LPGAT1: variants seen among roughly 807,000 people sequenced by gnomAD.
LPGAT1 encodes the protein lysophosphatidylglycerol acyltransferase 1, also known as acyl-CoA:lysophosphatidylglycerol acyltransferase 1.
A neutral mutation model predicts 47.5 loss-of-function variants in LPGAT1; 11 were observed. The observed-to-expected ratio is 0.23, with a 90% CI of 0.15 to 0.38. The LOEUF (loss-of-function observed/expected upper bound fraction) is 0.38. Ranked by LOEUF, LPGAT1 falls within the 10% of genes least tolerant of loss-of-function variation. The pLI is 1.00. For synonymous variants in LPGAT1, 138 were observed against 144.2 expected (o/e 0.96, Z 0.31); for missense variants, 293 against 439.0 (o/e 0.67, Z 2.97).
chr1:211,826,507 G>C (rs1033775439), intron 2 of LPGAT1, among the ~76,000 whole-genome samples: 5 of 152,090 alleles, frequency 3.3e-5, no homozygotes, highest in Non-Finnish European at 5.9e-5. Flanking sequence ...GGAGCTAAAT[G>C]CTAAATTTTA....
chr1:211,787,963 T>C (rs1658955892), intron 3 of LPGAT1, among the ~76,000 whole-genome samples: 1 of 152,182 alleles, frequency 6.6e-6, no homozygotes, highest in Admixed American at 6.5e-5. Flanking sequence ...TATCACTATA[T>C]AAAAAATGAA....
Position 211,830,296 on chromosome 1 carries a change from CG to C in LPGAT1, c.-28+276del. The C allele has an allele frequency of 9.4e-7, 1 of 1,060,116 alleles. No homozygotes were observed. The highest frequency in any genetic ancestry group is 1.1e-6 in the Non-Finnish European group (1 of 878,484). The allele number at this position is 1,060,116 out of a possible 1,614,324, so 65.7% of individuals were successfully genotyped here. A position where few individuals can be genotyped will look rare whatever the true frequency, so the allele number is the denominator to read the frequency against. ...CAAGCGGCCCGAGGCGCTGCGCGAG[CG>C]GGCGCGCTGGCGCCCTACTCCCCTC... On this transcript the variant is annotated intron_variant, in intron 1 of 7. Coordinates refer to ENST00000366997, the MANE Select transcript of LPGAT1 (RefSeq NM_014873.3). This position sits in a 1 kb window ranked among gnomAD's most constrained non-coding sequence, Gnocchi z 5.9.
chr1:211,819,800 C>T (rs139281223), intron 2 of LPGAT1, among the ~76,000 whole-genome samples: 370 of 152,254 alleles, frequency 2.4e-3, no homozygotes, highest in African/African-American at 8.5e-3. Flanking sequence ...GCCTGGCCAA[C>T]ATGGTGAAAC....
At position 211,830,585 on chromosome 1, in the gene LPGAT1, G is replaced by C. The variant is rs1169640620; in HGVS notation, c.-40C>G. The C allele has an allele frequency of 8.4e-7, 1 of 1,197,150 alleles. No individual in the cohort carries two copies. Among genetic ancestry groups the C allele is most frequent in the African/African-American group, 1.6e-5 (1 of 62,696 alleles). The allele number at this position is 1,197,150 out of a possible 1,614,324, so 74.2% of individuals were successfully genotyped here. ...AGCCGGAGGTTACCTCGGGCTGGCC[G>C]GGCCCCAGCCGGGGCTTTGGGAGTC... On this transcript the variant is annotated 5_prime_UTR_variant, in exon 1 of 8. Coordinates refer to ENST00000366997, the MANE Select transcript of LPGAT1 (RefSeq NM_014873.3). The surrounding 1 kb of genome is among the most constrained non-coding windows in gnomAD (Gnocchi z 5.9).
At chr1:211,785,121 G>A (rs1658825727) in intron 4 of LPGAT1, among the ~76,000 whole-genome samples, 1 of 151,966 alleles carries the variant, frequency 6.6e-6, no homozygotes, top group Non-Finnish European at 1.5e-5. Flanking sequence ...CTTTCAGTGT[G>A]ATCAGTTTGC....
chr1:211,762,331 A>G (rs929182023), intron 6 of LPGAT1, among the ~76,000 whole-genome samples: 3 of 152,220 alleles, frequency 2.0e-5, no homozygotes, highest in Non-Finnish European at 2.9e-5. Context: ...TATTGCTTCA[A>G]TGGGGTTGAA....
rs1024505880 is a variant in LPGAT1 at position 211,830,759 on chromosome 1, G to C, written c.-214C>G. Reference sequence around the variant, plus strand: ...CCCAAGGGCCCGGCCGCGTTCGCCCGGACTGGCGGGGAGGGGCGGCGGGAG... The same window carrying C: ...CCCAAGGGCCCGGCCGCGTTCGCCCCGACTGGCGGGGAGGGGCGGCGGGAG... On this transcript the variant is annotated 5_prime_UTR_variant, in exon 1 of 8. Coordinates refer to ENST00000366997, the MANE Select transcript of LPGAT1 (RefSeq NM_014873.3). The surrounding 1 kb of genome is among the most constrained non-coding windows in gnomAD (Gnocchi z 5.9). The C allele has an allele frequency of 2.6e-6, 3 of 1,157,716 alleles. No individual in the cohort carries two copies. The African/African-American group carries it at 4.9e-5, about 19-fold the overall frequency. 71.7% of individuals were successfully genotyped at this position (1,157,716 alleles called of 1,614,324 possible).
Position 211,810,721 on chromosome 1 carries a change from A to G in LPGAT1, c.239-17531T>C, listed in dbSNP as rs914710798. Among the ~76,000 whole-genome samples, 69 of 145,784 alleles carry G rather than the reference A, an allele frequency of 4.7e-4. 1 individual carries two copies. Among genetic ancestry groups the G allele is most frequent in the African/African-American group, 1.7e-3 (68 of 39,534 alleles). On this transcript the variant is annotated intron_variant, in intron 2 of 7. Transcript: ENST00000366997. ...ACACGAAAATATGTACGTACCACAG[A>G]AGCTAGGAAAAGAAGTCATTGTGAG...
At chr1:211,792,711 CTTTT>C (rs34552405) in intron 3 of LPGAT1, among the ~76,000 whole-genome samples, 1 of 104,602 alleles carries the variant, frequency 9.6e-6, no homozygotes, top group Non-Finnish European at 1.8e-5. Flanking sequence ...AATTGATTCC[CTTTT>C]TTTTTTTTTT....
Position 211,749,732 on chromosome 1 carries a change from AT to A in LPGAT1, c.*166del. The A allele has an allele frequency of 1.5e-6, 1 of 682,822 alleles. No homozygotes were observed. The highest frequency in any genetic ancestry group is 2.5e-6 in the Non-Finnish European group (1 of 400,976). The allele number at this position is 682,822 out of a possible 1,614,324, so 42.3% of individuals were successfully genotyped here. On this transcript the variant is annotated 3_prime_UTR_variant, in exon 8 of 8. Transcript: ENST00000366997. ...GCAGGTCATTATATTACTAATCCTC[AT>A]TTTAGTAGATTTTAAAATATCCCAA...
intron 2 of LPGAT1, among the ~76,000 whole-genome samples, chr1:211,819,858 G>A (rs946004090): frequency 1.3e-5 from 2 of 151,978 alleles, no homozygotes; most frequent in African/African-American, 2.4e-5. Context: ...GGTGGCAGAC[G>A]CCTGTACTGC....
intron 2 of LPGAT1, among the ~76,000 whole-genome samples, chr1:211,797,469 T>C (rs1396949369): frequency 6.6e-6 from 1 of 152,116 alleles, no homozygotes; most frequent in East Asian, 1.9e-4. Flanking sequence ...AAGGTCGTGT[T>C]GAATTTTATA....
At chr1:211,751,937 G>C (rs1558251885) in intron 6 of LPGAT1, among the ~76,000 whole-genome samples, 1 of 151,972 alleles carries the variant, frequency 6.6e-6, no homozygotes, top group Non-Finnish European at 1.5e-5. Context: ...TTCTGTTTTA[G>C]GCCTTCTCTA....
intron 3 of LPGAT1, among the ~76,000 whole-genome samples, chr1:211,789,862 T>TC (rs1659035438): frequency 1.3e-5 from 1 of 74,204 alleles, no homozygotes; most frequent in Middle Eastern, 5.0e-3. Context: ...AAAGCAAGAC[T>TC]CTGTCTCAAA....
chr1:211,777,564 AC>A (rs1264163535), intron 6 of LPGAT1, among the ~76,000 whole-genome samples: 2 of 152,160 alleles, frequency 1.3e-5, no homozygotes, highest in Non-Finnish European at 2.9e-5. Context: ...CATTAAAAAA[AC>A]AAGAAGCTAG....
chr1:211,795,535 T>C (rs761602944), intron 2 of LPGAT1, among the ~76,000 whole-genome samples: 15 of 152,138 alleles, frequency 9.9e-5, no homozygotes, highest in Non-Finnish European at 1.5e-4. Context: ...GCCCGGCTAA[T>C]CTTGTATTTT....
chr1:211,797,307 T>A (rs1209376526), intron 2 of LPGAT1, among the ~76,000 whole-genome samples: 1 of 118,914 alleles, frequency 8.4e-6, no homozygotes, highest in African/African-American at 2.9e-5. Flanking sequence ...TTTTCTTTCC[T>A]TTTCTTTTTT....
intron 2 of LPGAT1, among the ~76,000 whole-genome samples, chr1:211,797,311 C>CTTTT: frequency 8.2e-6 from 1 of 122,642 alleles, no homozygotes; most frequent in Non-Finnish European, 1.7e-5. Flanking sequence ...CTTTCCTTTT[C>CTTTT]TTTTTTTTTT....
intron 2 of LPGAT1, among the ~76,000 whole-genome samples, chr1:211,797,148 T>C (rs992624371): frequency 2.6e-5 from 4 of 152,012 alleles, no homozygotes; most frequent in African/African-American, 9.7e-5. Flanking sequence ...CCCAGCTACT[T>C]TGGAGCCTGA....
Sources: gnomAD v4.1 joint callset for allele counts (sites outside exome capture counted in the v4.1 genomes callset) on GRCh38, gnomAD v4.1.1 for gene constraint, Gnocchi (gnomAD v3.1) non-coding constraint, MANE v1.5 for transcripts, NCBI Gene and HGNC (gene_info 2026-07-23, HGNC 2026-07-21) for gene names.